Variants in OR9Q1 observed in about 807,000 individuals in gnomAD.
OR9Q1 encodes olfactory receptor family 9 subfamily Q member 1, also known as olfactory receptor 9Q1.
For synonymous variants in OR9Q1, 153 were observed against 148.6 expected (o/e 1.03, Z -0.22); for missense variants, 374 against 378.8 (o/e 0.99, Z 0.11).
At chr11:58,169,507 G>A (rs781119818) in intron 2 of OR9Q1, among the ~76,000 whole-genome samples, 10 of 151,986 alleles carry the variant, frequency 6.6e-5, no homozygotes, top group Non-Finnish European at 1.5e-4. Flanking sequence ...AAGCGTAGCA[G>A]GTTTATAATT....
chr11:58,048,677 A>ATAT (rs796426109), intron 1 of OR9Q1, among the ~76,000 whole-genome samples: 15,130 of 109,610 alleles, frequency 0.14, 1,053 homozygotes, highest in South Asian at 0.25. Flanking sequence ...CTTAAAAAAA[A>ATAT]AAATATATAT....
chr11:58,139,783 C>G (rs552713727), intron 2 of OR9Q1, among the ~76,000 whole-genome samples: 14 of 152,200 alleles, frequency 9.2e-5, no homozygotes, highest in Admixed American at 5.9e-4. Context: ...TTTTATAATC[C>G]TTTGGGTATA....
intron 2 of OR9Q1, among the ~76,000 whole-genome samples, chr11:58,116,012 T>A (rs1278373339): frequency 6.6e-6 from 1 of 152,200 alleles, no homozygotes; most frequent in African/African-American, 2.4e-5. Context: ...TAGCCTATTT[T>A]AAAAATTATA....
At chr11:58,135,717 C>A (rs1388429556) in intron 2 of OR9Q1, among the ~76,000 whole-genome samples, 8 of 152,196 alleles carry the variant, frequency 5.3e-5, no homozygotes, top group African/African-American at 1.7e-4. Context: ...GGGTGCACTG[C>A]ACAACCTTTA....
chr11:58,069,097 G>A (rs970914296), intron 2 of OR9Q1, among the ~76,000 whole-genome samples: 14 of 152,188 alleles, frequency 9.2e-5, no homozygotes, highest in African/African-American at 3.4e-4. Flanking sequence ...ACCTGGGGGT[G>A]TCCACTCACA....
At chr11:58,111,062 G>T (rs1853894928) in intron 2 of OR9Q1, among the ~76,000 whole-genome samples, 1 of 152,250 alleles carries the variant, frequency 6.6e-6, no homozygotes, top group South Asian at 2.1e-4. Context: ...CAAACCCAAA[G>T]TTCTGGTATT....
In OR9Q1 at chr11:58,031,316, A is replaced by G. The variant is rs1590543421; in HGVS notation, c.-93+7212A>G. 6.2e-7 allele frequency: 1 copy of G among 1,614,070 alleles called. No individual in the cohort carries two copies. The highest frequency in any genetic ancestry group is 1.3e-5 in the African/African-American group (1 of 75,002). ...AACTGAGTGTTTCCTACTGGCTGCC[A>G]TGGCCTATGATCGTTATGTGGCCAT... On this transcript the variant is annotated intron_variant, in intron 1 of 2. Transcript: ENST00000335397.
chr11:58,179,937 ACT>A lies in OR9Q1; in HGVS notation c.499_500del (p.Ser167LeufsTer6), dbSNP rs770498654. The A allele has an allele frequency of 1.9e-6, 3 of 1,613,360 alleles. No homozygotes were observed. The highest frequency in any genetic ancestry group is 3.3e-5 in the Admixed American group (2 of 59,956). On this transcript the variant is annotated frameshift_variant, in exon 3 of 3. Transcript: ENST00000335397. LOFTEE classifies it high-confidence loss of function. ...SALVRTVSAF[T>X]LSFCGTSEID... The stretch of plus-strand genomic sequence containing the variant: ...CTTGGTGCGGACAGTCTCAGCCTTC[ACT>A]CTCTCCTTCTGTGGAACCAGTGAGA...
intron 1 of OR9Q1, among the ~76,000 whole-genome samples, chr11:58,046,383 G>A (rs1868043): frequency 0.26 from 39,906 of 152,036 alleles, 5,775 homozygotes; most frequent in East Asian, 0.6. Context: ...TTGAAATCAC[G>A]GAGAAAAGAG....
rs999049741 is a variant in OR9Q1, at chr11:58,180,183, G to C, written c.739G>C (p.Val247Leu). ...FSTCTSHLTA[V>L]SLFFGTLIFM... ...CACCTGCACCTCCCACCTCACTGCT[G>C]TGTCACTCTTCTTTGGTACCCTCAT... Residue 247 changes from valine to leucine, a missense_variant, in exon 3 of 3, where the codon GTG (valine) becomes CTG (leucine). Transcript: ENST00000335397. The C allele has an allele frequency of 6.2e-7, 1 of 1,614,016 alleles. No homozygotes were observed.
At chr11:58,042,727 G>T (rs1367582904) in intron 1 of OR9Q1, among the ~76,000 whole-genome samples, 3 of 152,092 alleles carry the variant, frequency 2.0e-5, no homozygotes, top group South Asian at 4.2e-4. Context: ...ATCTATAAAT[G>T]ACCTTGGGCA....
intron 1 of OR9Q1, among the ~76,000 whole-genome samples, chr11:58,038,460 T>C (rs763531713): frequency 5.3e-5 from 8 of 152,234 alleles, no homozygotes; most frequent in Non-Finnish European, 8.8e-5. Flanking sequence ...GCATAGATAC[T>C]ACTCCACTGT....
intron 2 of OR9Q1, among the ~76,000 whole-genome samples, chr11:58,130,362 T>A (rs1026868812): frequency 6.6e-5 from 10 of 152,154 alleles, no homozygotes; most frequent in Middle Eastern, 3.2e-3. Context: ...TACATAATCA[T>A]CAAATATTTG....
intron 2 of OR9Q1, among the ~76,000 whole-genome samples, chr11:58,086,303 C>T (rs1206621364): frequency 6.6e-6 from 1 of 151,584 alleles, no homozygotes; most frequent in East Asian, 1.9e-4. Flanking sequence ...AAAGTGAAAC[C>T]ACAATGGAAT....
intron 2 of OR9Q1, chr11:58,078,173 A>G (rs1005214968): frequency 1.3e-5 from 2 of 152,236 alleles, no homozygotes; most frequent in East Asian, 3.9e-4. Flanking sequence ...AAGAAAAACA[A>G]CAACGACGAC....
At chr11:58,160,881 T>C (rs1008807658) in intron 2 of OR9Q1, among the ~76,000 whole-genome samples, 2 of 152,204 alleles carry the variant, frequency 1.3e-5, no homozygotes, top group African/African-American at 4.8e-5. Context: ...AGCGACTTCA[T>C]GGTCACAAGT....
At chr11:58,127,183 C>G (rs572730866) in intron 2 of OR9Q1, among the ~76,000 whole-genome samples, 3 of 152,240 alleles carry the variant, frequency 2.0e-5, no homozygotes, top group East Asian at 3.9e-4. Context: ...TTCCTGACCT[C>G]GAGTGATCTG....
chr11:58,065,942 A>G (rs541001625), intron 2 of OR9Q1, among the ~76,000 whole-genome samples: 2 of 152,196 alleles, frequency 1.3e-5, no homozygotes, highest in East Asian at 3.9e-4. Flanking sequence ...TGTGGCTTCC[A>G]CCAACTTACT....
At chr11:58,035,286 TAG>T in intron 1 of OR9Q1, among the ~76,000 whole-genome samples, 1 of 152,200 alleles carries the variant, frequency 6.6e-6, no homozygotes, top group Non-Finnish European at 1.5e-5. Flanking sequence ...CAAATTGTGG[TAG>T]ACAATCCACA....
Sources: gnomAD v4.1 joint callset for allele counts (sites outside exome capture counted in the v4.1 genomes callset) on GRCh38, gnomAD v4.1.1 for gene constraint, MANE v1.5 for transcripts, NCBI Gene and HGNC (gene_info 2026-07-23, HGNC 2026-07-21) for gene names.